Variants in MAF observed in about 807,000 individuals in gnomAD.
MAF encodes MAF bZIP transcription factor.
MAF carries 10 observed loss-of-function variants against 22.0 expected under a neutral mutation model. The ratio of observed to expected loss-of-function variants is 0.45; its 90% confidence interval spans 0.28 to 0.77. The LOEUF is 0.77. Among genes scored for constraint, MAF ranks in the 30% least tolerant of loss-of-function variants. The probability of loss-of-function intolerance (pLI) is 0.12; values close to 1 mark genes in which losing one functional copy is unlikely to be tolerated. For missense variants in MAF, 544 were observed against 548.4 expected, an observed-to-expected ratio of 0.99 and a Z score of 0.08; for synonymous variants, 337 against 255.8, an observed-to-expected ratio of 1.32 and a Z score of -3.03.
the MAF span, among the ~76,000 whole-genome samples, chr16:79,337,898 A>T: frequency 1.3e-5 from 2 of 152,150 alleles, no homozygotes; most frequent in South Asian, 2.1e-4. Flanking sequence ...TTTCCAGTGG[A>T]TGGGAAACTA....
chr16:79,598,227 A>G (rs1448892526), intron 1 of MAF: 2 of 1,060,426 alleles, frequency 1.9e-6, no homozygotes, highest in African/African-American at 1.7e-5. Context: ...GAGGTTGGAA[A>G]AAAGGTGGGC....
chr16:79,230,371 G>A, the MAF span, among the ~76,000 whole-genome samples: 13 of 152,154 alleles, frequency 8.5e-5, no homozygotes, highest in African/African-American at 3.1e-4. Context: ...AAGAAGTACT[G>A]AGGCTCGGAG....
chr16:79,279,894 A>C, the MAF span, among the ~76,000 whole-genome samples: 1 of 152,316 alleles, frequency 6.6e-6, no homozygotes, highest in East Asian at 1.9e-4. Context: ...ATAAAAAGGC[A>C]ATCTAAATTA....
chr16:79,354,347 C>T, the MAF span, among the ~76,000 whole-genome samples: 15 of 152,076 alleles, frequency 9.9e-5, no homozygotes, highest in Non-Finnish European at 2.1e-4. Context: ...GAGGAACACA[C>T]GAGATGGTGA....
At chr16:79,239,927 G>A in the MAF span, among the ~76,000 whole-genome samples, 1 of 152,024 alleles carries the variant, frequency 6.6e-6, no homozygotes. Flanking sequence ...GATAGTGGCA[G>A]CACAACACGA....
At chr16:79,475,362 A>ATGTGTGTGTGTC in the MAF span, among the ~76,000 whole-genome samples, 35 of 148,806 alleles carry the variant, frequency 2.4e-4, no homozygotes, top group Admixed American at 1.9e-3. Context: ...ATGTATATAT[A>ATGTGTGTGTGTC]TGTGTGTGTG....
chr16:79,594,746 C>T, intron 1 of MAF, 193 bp from the exon 2 acceptor site: 1 of 1,387,594 alleles, frequency 7.2e-7, no homozygotes, highest in South Asian at 1.6e-5. Flanking sequence ...GCTACTCCCA[C>T]TATACTTCAA....
At chr16:79,537,650 T>C in the MAF span, among the ~76,000 whole-genome samples, 1 of 152,208 alleles carries the variant, frequency 6.6e-6, no homozygotes, top group Non-Finnish European at 1.5e-5. Flanking sequence ...TTGCTGCACA[T>C]GAACTTCAGA....
chr16:79,522,836 G>A, the MAF span, among the ~76,000 whole-genome samples: 4 of 152,268 alleles, frequency 2.6e-5, no homozygotes, highest in Admixed American at 6.5e-5. Context: ...GTAAATGCTC[G>A]GAGCTCCTTG....
At chr16:79,297,191 T>A in the MAF span, among the ~76,000 whole-genome samples, 1 of 152,270 alleles carries the variant, frequency 6.6e-6, no homozygotes, top group Non-Finnish European at 1.5e-5. Flanking sequence ...CATCCTAATA[T>A]TATGGGGTAG....
At chr16:79,510,841 C>A in the MAF span, among the ~76,000 whole-genome samples, 2 of 152,208 alleles carry the variant, frequency 1.3e-5, no homozygotes, top group South Asian at 4.1e-4. Flanking sequence ...AAGGTCACCA[C>A]TGTCCAAGTG....
At chr16:79,492,929 TA>T in the MAF span, among the ~76,000 whole-genome samples, 1 of 151,922 alleles carries the variant, frequency 6.6e-6, no homozygotes, top group African/African-American at 2.4e-5. Context: ...ATCTATATCT[TA>T]ACATAGGTGC....
chr16:79,439,235 C>T, the MAF span, among the ~76,000 whole-genome samples: 2 of 151,280 alleles, frequency 1.3e-5, no homozygotes, highest in African/African-American at 4.9e-5. Context: ...CCATCCCTAT[C>T]GTCCTATGGG....
At chr16:79,317,899 T>TATTC in the MAF span, among the ~76,000 whole-genome samples, 9 of 140,076 alleles carry the variant, frequency 6.4e-5, no homozygotes, top group East Asian at 2.1e-4. Context: ...GGGTAGCTTG[T>TATTC]ATTCATTCAT....
At chr16:79,278,242 G>A in the MAF span, among the ~76,000 whole-genome samples, 2 of 152,212 alleles carry the variant, frequency 1.3e-5, no homozygotes, top group Non-Finnish European at 2.9e-5. Context: ...CAGGTTAGAT[G>A]GCAACCGTTC....
chr16:79,480,101 A>C, the MAF span, among the ~76,000 whole-genome samples: 1 of 152,106 alleles, frequency 6.6e-6, no homozygotes, highest in Non-Finnish European at 1.5e-5. Context: ...CTGTACCCAG[A>C]TACTCCTTGA....
chr16:79,577,969 A>G, the MAF span, among the ~76,000 whole-genome samples: 1 of 152,158 alleles, frequency 6.6e-6, no homozygotes, highest in Admixed American at 6.5e-5. Context: ...TACCCTTGAC[A>G]TTGGTTACAT....
At chr16:79,506,057 C>T in the MAF span, among the ~76,000 whole-genome samples, 2 of 151,978 alleles carry the variant, frequency 1.3e-5, no homozygotes, top group African/African-American at 2.4e-5. Flanking sequence ...TCATTTTTTC[C>T]CAGGCTATAA....
the MAF span, among the ~76,000 whole-genome samples, chr16:79,563,825 C>T: frequency 6.6e-6 from 1 of 152,154 alleles, no homozygotes; most frequent in Non-Finnish European, 1.5e-5. Flanking sequence ...ATTCCTTACA[C>T]TCACCTAGCA....
Sources: allele counts gnomAD v4.1 joint callset (sites outside exome capture counted in the v4.1 genomes callset), GRCh38; gene constraint gnomAD v4.1.1; transcripts MANE v1.5; gene names NCBI Gene and HGNC (gene_info 2026-07-23, HGNC 2026-07-21).